The following SOX5 variants were observed in gnomAD, a reference collection of about 807,000 sequenced individuals.
The protein encoded by SOX5 is SRY-box transcription factor 5.
Under a neutral mutation model 92.0 loss-of-function variants are expected in SOX5, and 9 were observed. That is an observed-to-expected ratio of 0.10 (90% confidence interval 0.06 to 0.17). SOX5 has a LOEUF of 0.17. Ranked by LOEUF, SOX5 falls within the 10% of genes least tolerant of loss-of-function variation. The probability of loss-of-function intolerance (pLI) is 1.00; values close to 1 mark genes in which losing one functional copy is unlikely to be tolerated. For missense variants in SOX5, 642 were observed against 944.5 expected (o/e 0.68, Z 4.20); for synonymous variants, 344 against 336.3 (o/e 1.02, Z -0.25).
At chr12:24,013,327 T>C (rs1318736370) in intron 4 of SOX5, among the ~76,000 whole-genome samples, 1 of 152,178 alleles carries the variant, frequency 6.6e-6, no homozygotes, top group Non-Finnish European at 1.5e-5. Flanking sequence ...GAAACTTACT[T>C]TCTTCATAAT....
chr12:23,611,468 G>C (rs1055044445), intron 8 of SOX5, among the ~76,000 whole-genome samples: 5 of 151,564 alleles, frequency 3.3e-5, no homozygotes, highest in Non-Finnish European at 7.4e-5. Context: ...TCCATGTCTT[G>C]GTTATCGTAA....
chr12:24,165,707 T>G (rs972362453), intron 4 of SOX5, among the ~76,000 whole-genome samples: 3 of 152,020 alleles, frequency 2.0e-5, no homozygotes, highest in Non-Finnish European at 4.4e-5. Context: ...ATGTGTAGGT[T>G]GATATGGCTG....
intron 9 of SOX5, among the ~76,000 whole-genome samples, chr12:23,579,487 C>T (rs558988799): frequency 1.3e-5 from 2 of 152,140 alleles, no homozygotes; most frequent in South Asian, 2.1e-4. Flanking sequence ...TACTACTGAG[C>T]TGCTATACCA....
intron 1 of SOX5, among the ~76,000 whole-genome samples, chr12:23,942,358 TAAAAAC>T (rs200632356): frequency 0.01 from 1,560 of 151,778 alleles, 13 homozygotes; most frequent in African/African-American, 0.014. Flanking sequence ...GTACTTAATA[TAAAAAC>T]AAAAACAAAA....
chr12:23,665,715 C>T (rs1719991104), intron 6 of SOX5, 151 bp from the exon 7 acceptor site: 2 of 825,358 alleles, frequency 2.4e-6, no homozygotes, highest in South Asian at 3.6e-5. Context: ...TGAGGATATG[C>T]TTTGGGACTA....
intron 6 of SOX5, among the ~76,000 whole-genome samples, chr12:23,687,638 T>C (rs1473454195): frequency 6.6e-6 from 1 of 152,076 alleles, no homozygotes; most frequent in Non-Finnish European, 1.5e-5. Flanking sequence ...CTGGGTCCTA[T>C]GGTTGGCTGA....
intron 4 of SOX5, among the ~76,000 whole-genome samples, chr12:23,749,340 T>C (rs1214737344): frequency 6.6e-6 from 1 of 151,972 alleles, no homozygotes; most frequent in Non-Finnish European, 1.5e-5. Context: ...GACATCTTCT[T>C]GTACCCTAAT....
intron 1 of SOX5, among the ~76,000 whole-genome samples, chr12:24,523,664 G>T (rs543293139): frequency 6.6e-6 from 1 of 152,102 alleles, no homozygotes; most frequent in African/African-American, 2.4e-5. Context: ...CAGAAAAATC[G>T]TGCTGGGAAA....
intron 2 of SOX5, among the ~76,000 whole-genome samples, chr12:24,284,559 T>C (rs1945616748): frequency 6.6e-6 from 1 of 152,164 alleles, no homozygotes; most frequent in Non-Finnish European, 1.5e-5. Context: ...ACATCCAAAT[T>C]TCAGCATCTA....
chr12:24,560,323 C>T (rs1954211337), intron 1 of SOX5, among the ~76,000 whole-genome samples: 1 of 152,176 alleles, frequency 6.6e-6, no homozygotes, highest in Non-Finnish European at 1.5e-5. Flanking sequence ...TTTAGGCAAA[C>T]AAAAGCAATC....
At chr12:23,648,211 T>C (rs1299270258) in intron 7 of SOX5, among the ~76,000 whole-genome samples, 1 of 152,172 alleles carries the variant, frequency 6.6e-6, no homozygotes, top group Non-Finnish European at 1.5e-5. Context: ...AGACATGAAG[T>C]GAGCACATGC....
intron 4 of SOX5, among the ~76,000 whole-genome samples, chr12:24,024,652 C>T (rs891046476): frequency 6.6e-6 from 1 of 151,984 alleles, no homozygotes; most frequent in African/African-American, 2.4e-5. Flanking sequence ...AATTTTCAAA[C>T]ACTAATTCCA....
chr12:24,233,057 A>C (rs551750271), intron 3 of SOX5, among the ~76,000 whole-genome samples: 1 of 152,220 alleles, frequency 6.6e-6, no homozygotes, highest in Non-Finnish European at 1.5e-5. Flanking sequence ...AGGGGATTGA[A>C]GTAGTAAAAT....
chr12:24,174,038 C>T (rs1286421865), intron 4 of SOX5, among the ~76,000 whole-genome samples: 1 of 151,772 alleles, frequency 6.6e-6, no homozygotes, highest in African/African-American at 2.4e-5. Flanking sequence ...CACTGTGTCA[C>T]CCAGTCTGGA....
intron 2 of SOX5, among the ~76,000 whole-genome samples, chr12:23,868,072 A>C (rs1321125844): frequency 5.4e-4 from 67 of 125,024 alleles, no homozygotes; most frequent in South Asian, 7.7e-4. Flanking sequence ...TCCCTCCCTC[A>C]CTCCCTCTCT....
At chr12:24,336,089 T>TTTTG (rs898177701) in intron 2 of SOX5, among the ~76,000 whole-genome samples, 6 of 148,686 alleles carry the variant, frequency 4.0e-5, no homozygotes, top group African/African-American at 9.9e-5. Context: ...TTTGTGTGTT[T>TTTTG]TTTGTTTGTT....
At chr12:23,787,957 A>T (rs2095410460) in intron 3 of SOX5, among the ~76,000 whole-genome samples, 1 of 151,330 alleles carries the variant, frequency 6.6e-6, no homozygotes, top group South Asian at 2.1e-4. Context: ...CTGAGCAAAG[A>T]GTCTTATGAA....
intron 1 of SOX5, among the ~76,000 whole-genome samples, chr12:24,392,370 C>G (rs1175855423): frequency 1.3e-5 from 2 of 152,128 alleles, no homozygotes; most frequent in Non-Finnish European, 2.9e-5. Context: ...CTATGCCTTC[C>G]TTTCCACCCT....
chr12:24,153,857 G>A (rs953999067), intron 4 of SOX5, among the ~76,000 whole-genome samples: 2 of 151,140 alleles, frequency 1.3e-5, no homozygotes, highest in African/African-American at 4.9e-5. Flanking sequence ...GTTCTCACTT[G>A]AATACACACA....
Sources: gnomAD v4.1 joint callset for allele counts (sites outside exome capture counted in the v4.1 genomes callset) on GRCh38, gnomAD v4.1.1 for gene constraint, MANE v1.5 for transcripts, NCBI Gene and HGNC (gene_info 2026-07-23, HGNC 2026-07-21) for gene names.